The following SLC9A9 variants were observed in gnomAD, a reference collection of about 807,000 sequenced individuals.
The protein encoded by SLC9A9 is sodium/hydrogen exchanger 9.
Under a neutral mutation model 77.8 loss-of-function variants are expected in SLC9A9, and 62 were observed. The ratio of observed to expected loss-of-function variants is 0.80; its 90% confidence interval spans 0.65 to 0.98. The LOEUF is 0.98. Ranked by LOEUF, SLC9A9 falls within the 50% of genes least tolerant of loss-of-function variation. SLC9A9 has a pLI of 0.00. For synonymous variants in SLC9A9, 320 were observed against 283.5 expected (o/e 1.13, Z -1.29); for missense variants, 775 against 774.9 (o/e 1.00, Z 0.00).
rs373678193 is a variant in SLC9A9, at chr3:143,805,542, G to A, written c.379-8639C>T. On this transcript the variant is annotated intron_variant, in intron 2 of 15. Transcript: ENST00000316549. Reference sequence around the variant, plus strand: ...GTGACCTTCACTTATACGTCCAGATGGCCCGAAGCAAGTGAAGAATCACAA... The same window carrying A: ...GTGACCTTCACTTATACGTCCAGATAGCCCGAAGCAAGTGAAGAATCACAA... 6.0e-4 allele frequency among the ~76,000 whole-genome samples: 91 copies of A among 152,244 alleles called. No individual in the cohort carries two copies. The South Asian group carries it at 0.013, about 22-fold the overall frequency.
At chr3:143,824,035 A>G (rs2009238834) in intron 2 of SLC9A9, among the ~76,000 whole-genome samples, 1 of 152,164 alleles carries the variant, frequency 6.6e-6, no homozygotes, top group Admixed American at 6.5e-5. Flanking sequence ...TGGGTGCATA[A>G]TCAAAAGTTT....
chr3:143,557,295 A>C (rs1372652074), intron 8 of SLC9A9, among the ~76,000 whole-genome samples: 1 of 152,106 alleles, frequency 6.6e-6, no homozygotes, highest in Admixed American at 6.5e-5. Context: ...AGTCAATTAA[A>C]CCTCTTCTTT....
chr3:143,291,939 G>A (rs2030001973), intron 14 of SLC9A9, among the ~76,000 whole-genome samples: 1 of 152,180 alleles, frequency 6.6e-6, no homozygotes, highest in East Asian at 1.9e-4. Context: ...AGCTGGAGGG[G>A]CTCTCACCCT....
At position 143,574,121 on chromosome 3, in the gene SLC9A9, C is replaced by A; in HGVS notation, c.967G>T (p.Ala323Ser). ...TGLFFLLSWS[A>S]FLSAEAAGLT... ...CCGGCAGCCTCGGCAGACAGGAAGGCACTCCAAGAAAGCAGGAAAAACAGG... is the reference window on the plus strand; with the variant it reads ...CCGGCAGCCTCGGCAGACAGGAAGGAACTCCAAGAAAGCAGGAAAAACAGG... Residue 323 changes from alanine (A) to serine (S), a missense_variant, in exon 8 of 16, where the codon GCC becomes TCC. By Grantham distance (99) the Ala-to-Ser change is moderately conservative. Transcript: ENST00000316549. The A allele has an allele frequency of 6.2e-7, 1 of 1,613,492 alleles. No homozygotes were observed. Among genetic ancestry groups the A allele is most frequent in the Non-Finnish European group, 8.5e-7 (1 of 1,179,636 alleles).
At chr3:143,399,489 G>A (rs1042236390) in intron 12 of SLC9A9, among the ~76,000 whole-genome samples, 2 of 152,136 alleles carry the variant, frequency 1.3e-5, no homozygotes, top group African/African-American at 4.8e-5. Context: ...AATCAGGAAA[G>A]TGAAAGAAAA....
At chr3:143,702,857 A>C (rs1933844374) in intron 4 of SLC9A9, among the ~76,000 whole-genome samples, 2 of 152,116 alleles carry the variant, frequency 1.3e-5, no homozygotes, top group African/African-American at 4.8e-5. Flanking sequence ...AAGTACACAT[A>C]GACTGAAAAT....
At chr3:143,803,035 G>A (rs1186888850) in intron 2 of SLC9A9, among the ~76,000 whole-genome samples, 1 of 152,026 alleles carries the variant, frequency 6.6e-6, no homozygotes, top group Non-Finnish European at 1.5e-5. Context: ...ACCCTAGCTG[G>A]ACAATCAGTT....
At chr3:143,631,014 C>T (rs910243758) in intron 6 of SLC9A9, among the ~76,000 whole-genome samples, 2 of 152,108 alleles carry the variant, frequency 1.3e-5, no homozygotes, top group African/African-American at 4.8e-5. Context: ...AGCCTGCAAT[C>T]GGTCCCATGA....
intron 12 of SLC9A9, among the ~76,000 whole-genome samples, chr3:143,459,864 G>GA (rs931356473): frequency 4.0e-4 from 60 of 150,712 alleles, no homozygotes; most frequent in African/African-American, 1.1e-3. Context: ...AGGATTAAGA[G>GA]AAAAAAAAAT....
chr3:143,395,428 A>C (rs1244293204), intron 12 of SLC9A9, among the ~76,000 whole-genome samples: 1 of 152,232 alleles, frequency 6.6e-6, no homozygotes, highest in Non-Finnish European at 1.5e-5. Flanking sequence ...CCTTCCTTAC[A>C]CCTTATACAA....
chr3:143,460,752 C>A (rs1379859846), intron 12 of SLC9A9, among the ~76,000 whole-genome samples: 1 of 152,056 alleles, frequency 6.6e-6, no homozygotes, highest in Non-Finnish European at 1.5e-5. Context: ...GCACTGAAAG[C>A]AAATTTAGGA....
chr3:143,393,657 C>T (rs1233089886), intron 12 of SLC9A9, among the ~76,000 whole-genome samples: 1 of 152,058 alleles, frequency 6.6e-6, no homozygotes, highest in Non-Finnish European at 1.5e-5. Context: ...TCAATGAATA[C>T]AGGAGCTGGT....
chr3:143,732,742 T>C (rs980904174), intron 4 of SLC9A9, among the ~76,000 whole-genome samples: 6 of 152,210 alleles, frequency 3.9e-5, no homozygotes, highest in Admixed American at 3.3e-4. Context: ...TCCAAGGCAC[T>C]GTGGAGCTAT....
intron 14 of SLC9A9, among the ~76,000 whole-genome samples, chr3:143,307,010 G>A (rs1235059022): frequency 6.6e-6 from 1 of 152,088 alleles, no homozygotes; most frequent in Non-Finnish European, 1.5e-5. Context: ...CCCACTCTCT[G>A]TCCGAGACAC....
At chr3:143,426,332 A>G (rs1228727933) in intron 12 of SLC9A9, among the ~76,000 whole-genome samples, 1 of 152,246 alleles carries the variant, frequency 6.6e-6, no homozygotes, top group Non-Finnish European at 1.5e-5. Flanking sequence ...AAAGCATTTT[A>G]ATCAACCCTT....
At chr3:143,692,680 C>T (rs1328078865) in intron 5 of SLC9A9, among the ~76,000 whole-genome samples, 2 of 152,082 alleles carry the variant, frequency 1.3e-5, no homozygotes, top group African/African-American at 4.8e-5. Context: ...GAGAGAAATT[C>T]AGGATGATAA....
At chr3:143,503,965 G>A (rs1280684853) in intron 9 of SLC9A9, 2 of 394,204 alleles carry the variant, frequency 5.1e-6, no homozygotes, top group African/African-American at 4.2e-5. Context: ...CTCCATGGTA[G>A]TTAATACACT....
intron 4 of SLC9A9, among the ~76,000 whole-genome samples, chr3:143,726,385 T>G (rs1934657195): frequency 1.3e-5 from 2 of 152,172 alleles, no homozygotes; most frequent in Non-Finnish European, 2.9e-5. Context: ...ACATGGTATT[T>G]AAATGAGATA....
intron 2 of SLC9A9, among the ~76,000 whole-genome samples, chr3:143,812,929 A>G (rs1194248941): frequency 6.6e-6 from 1 of 152,182 alleles, no homozygotes; most frequent in Non-Finnish European, 1.5e-5. Flanking sequence ...CATTTGGCAT[A>G]TGTTGTGATT....
Sources: allele counts gnomAD v4.1 joint callset (sites outside exome capture counted in the v4.1 genomes callset), GRCh38; gene constraint gnomAD v4.1.1; transcripts MANE v1.5; gene names NCBI Gene and HGNC (gene_info 2026-07-23, HGNC 2026-07-21).